RANBP2: variants seen among roughly 807,000 people sequenced by gnomAD.
The protein encoded by RANBP2 is E3 SUMO-protein ligase RanBP2.
Under a neutral mutation model 303.6 loss-of-function variants are expected in RANBP2, and 57 were observed. That is an observed-to-expected ratio of 0.19 (90% CI 0.15 to 0.23). RANBP2 has a LOEUF of 0.23. RANBP2 is among the 10% of genes least tolerant of loss of function. The pLI, the probability that RANBP2 is intolerant of heterozygous loss-of-function variation, is 1.00. For synonymous variants in RANBP2, 1,167 were observed against 1,301.5 expected, an observed-to-expected ratio of 0.90 and a Z score of 2.23; for missense variants, 3,138 against 3,780.8, an observed-to-expected ratio of 0.83 and a Z score of 4.46.
the RANBP2 span, chr2:109,502,349 G>C: frequency 6.6e-6 from 1 of 152,334 alleles, no homozygotes; most frequent in East Asian, 1.9e-4. Context: ...ACATAAAGCT[G>C]TTAGACTTTA....
chr2:108,805,513 C>G, the RANBP2 span, among the ~76,000 whole-genome samples: 1 of 151,818 alleles, frequency 6.6e-6, no homozygotes, highest in Non-Finnish European at 1.5e-5. Flanking sequence ...ATCACGAGGT[C>G]AGGAGTTCGA....
At chr2:109,451,042 C>T in the RANBP2 span, among the ~76,000 whole-genome samples, 1 of 152,250 alleles carries the variant, frequency 6.6e-6, no homozygotes, top group Admixed American at 6.5e-5. Context: ...TCAACATGAG[C>T]CGGGAACGCT....
the RANBP2 span, among the ~76,000 whole-genome samples, chr2:108,939,930 C>T: frequency 2.0e-5 from 3 of 152,286 alleles, no homozygotes; most frequent in East Asian, 1.9e-4. Context: ...GTGATGGAGA[C>T]GAGGCCTCCT....
At chr2:108,992,048 C>T in the RANBP2 span, among the ~76,000 whole-genome samples, 1 of 152,118 alleles carries the variant, frequency 6.6e-6, no homozygotes, top group Admixed American at 6.5e-5. Context: ...GATCCTCCTG[C>T]CTCAGCCTCC....
intron 1 of RANBP2, among the ~76,000 whole-genome samples, chr2:108,721,336 A>G (rs937442589): frequency 2.3e-4 from 35 of 152,228 alleles, no homozygotes; most frequent in Non-Finnish European, 2.5e-4. Context: ...TGTACATTGT[A>G]ATTTCAAACT....
the RANBP2 span, among the ~76,000 whole-genome samples, chr2:109,072,782 C>A: frequency 5.9e-5 from 9 of 152,068 alleles, no homozygotes; most frequent in East Asian, 7.7e-4. Flanking sequence ...ACATCTAGCA[C>A]CCCAACTTTT....
chr2:108,910,930 C>T, the RANBP2 span: 74 of 1,613,922 alleles, frequency 4.6e-5, no homozygotes, highest in Middle Eastern at 3.3e-4. Context: ...AGGGCACCGG[C>T]GCATGGGGGC....
the RANBP2 span, chr2:109,616,379 T>G: frequency 4.6e-6 from 1 of 216,804 alleles, no homozygotes; most frequent in Non-Finnish European, 9.8e-6. Context: ...GAGAGTTCCT[T>G]TGCTTTAACC....
chr2:108,790,384 T>A (rs1048476132), downstream of RANBP2, among the ~76,000 whole-genome samples: 1 of 152,200 alleles, frequency 6.6e-6, no homozygotes, highest in East Asian at 1.9e-4. Context: ...AAGGTTTTCA[T>A]AACATTGGAC....
the RANBP2 span, among the ~76,000 whole-genome samples, chr2:109,581,941 T>C: frequency 4.6e-5 from 7 of 152,172 alleles, no homozygotes; most frequent in African/African-American, 1.7e-4. Context: ...CTCCGCCAAA[T>C]GGCTCCTGAA....
the RANBP2 span, among the ~76,000 whole-genome samples, chr2:109,487,590 G>A: frequency 3.9e-5 from 6 of 152,220 alleles, 1 homozygote; most frequent in South Asian, 6.2e-4. Context: ...TCACATTTAC[G>A]CACCCCACCC....
the RANBP2 span, among the ~76,000 whole-genome samples, chr2:108,867,740 C>T: frequency 3.3e-5 from 5 of 152,068 alleles, no homozygotes; most frequent in Admixed American, 3.3e-4. Flanking sequence ...ATTTCTTTAG[C>T]CTTATCCAGT....
At chr2:109,389,751 A>T in the RANBP2 span, among the ~76,000 whole-genome samples, 3 of 152,194 alleles carry the variant, frequency 2.0e-5, no homozygotes, top group East Asian at 5.8e-4. Flanking sequence ...ACACCAAAAG[A>T]TACACATTAC....
chr2:109,034,344 C>A, the RANBP2 span, among the ~76,000 whole-genome samples: 1 of 149,796 alleles, frequency 6.7e-6, no homozygotes, highest in Non-Finnish European at 1.5e-5. Flanking sequence ...TACGTTTATC[C>A]AAAAAACTAT....
the RANBP2 span, among the ~76,000 whole-genome samples, chr2:109,252,611 C>T: frequency 1.3e-5 from 2 of 152,108 alleles, no homozygotes; most frequent in African/African-American, 2.4e-5. Context: ...CTGATAAACC[C>T]ATCAATAGTT....
the RANBP2 span, chr2:109,594,606 C>A: frequency 6.6e-6 from 1 of 152,228 alleles, no homozygotes; most frequent in East Asian, 1.9e-4. Flanking sequence ...TGAGACTGTC[C>A]TCTCCTCTGC....
chr2:108,804,948 C>T, the RANBP2 span: 1 of 1,574,422 alleles, frequency 6.4e-7, no homozygotes, highest in Non-Finnish European at 8.6e-7. Context: ...ATAAAGAAAC[C>T]AAGAGACTGA....
the RANBP2 span, among the ~76,000 whole-genome samples, chr2:108,919,956 C>T: frequency 2.0e-5 from 3 of 152,232 alleles, no homozygotes; most frequent in Non-Finnish European, 4.4e-5. Flanking sequence ...TCAAATTCCA[C>T]ACACACAGCC....
At chr2:109,331,352 C>T in the RANBP2 span, among the ~76,000 whole-genome samples, 1 of 151,928 alleles carries the variant, frequency 6.6e-6, no homozygotes, top group South Asian at 2.1e-4. Context: ...TGTTTTCCTG[C>T]CTCCCTCCTC....
Sources: gnomAD v4.1 joint callset for allele counts (sites outside exome capture counted in the v4.1 genomes callset) on GRCh38, gnomAD v4.1.1 for gene constraint, MANE v1.5 for transcripts, NCBI Gene and HGNC (gene_info 2026-07-23, HGNC 2026-07-21) for gene names.